AP4B1: variants seen among roughly 807,000 people sequenced by gnomAD.
AP4B1 encodes AP-4 complex subunit beta-1.
Under a neutral mutation model 76.5 loss-of-function variants are expected in AP4B1, and 49 were observed. The observed-to-expected ratio is 0.64, with a 90% CI of 0.51 to 0.81. The LOEUF is 0.81. Among genes scored for constraint, AP4B1 ranks in the 40% least tolerant of loss-of-function variants. The pLI is 0.00. For synonymous variants in AP4B1, 330 were observed against 333.3 expected (o/e 0.99, Z 0.11); for missense variants, 911 against 904.9 (o/e 1.01, Z -0.09).
chr1:113,895,389 C>G lies in AP4B1; in HGVS notation c.1896G>C (p.Glu632Asp). 1 of 1,614,186 alleles carries G rather than the reference C, an allele frequency of 6.2e-7. No individual in the cohort carries two copies. The highest frequency in any genetic ancestry group is 1.3e-5 in the African/African-American group (1 of 75,046). The change falls in exon 10 of 10, where the codon GAG becomes GAC. Residue 632 changes from glutamate (E) to aspartate (D), a missense_variant. Glu to Asp is a conservative substitution (Grantham distance 45). Coordinates refer to ENST00000369569, the MANE Select transcript of AP4B1 (RefSeq NM_001253852.3). ...PNRQLTADYF[E>D]KTWLSLKVAH... ...CAACTTTAAGGCTAAGCCAAGTTTT[C>G]TCAAAATAATCAGCAGTAAGCTGGC...
Position 113,904,792 on chromosome 1 carries a change from G to C in AP4B1, c.-75C>G, listed in dbSNP as rs945036729. ...GGCTCCTTCTCGTCCTGATGTGGGAGCCTGAGTAAAGGAAATATGAGTCAG... is the reference window on the plus strand; with the variant it reads ...GGCTCCTTCTCGTCCTGATGTGGGACCCTGAGTAAAGGAAATATGAGTCAG... On this transcript the variant is annotated 5_prime_UTR_variant, in exon 1 of 10. Transcript: ENST00000369569. 1 of 1,261,108 alleles carries C rather than the reference G, an allele frequency of 7.9e-7. No homozygotes were observed. Among genetic ancestry groups the C allele is most frequent in the African/African-American group, 1.5e-5 (1 of 68,098 alleles). 78.1% of individuals were successfully genotyped at this position (1,261,108 alleles called of 1,614,324 possible).
chr1:113,904,591 G>A lies in AP4B1; in HGVS notation c.113+14C>T. ...AAAGGGAGCAGTTAGCACGCGAAGGGAGGTAGGTGATACCTAATCACTCGC... is the reference window on the plus strand; with the variant it reads ...AAAGGGAGCAGTTAGCACGCGAAGGAAGGTAGGTGATACCTAATCACTCGC... On this transcript the variant is annotated intron_variant, in intron 1 of 9. Transcript: ENST00000369569. 1 of 1,612,314 alleles carries A rather than the reference G, an allele frequency of 6.2e-7. No homozygotes were observed. The highest frequency in any genetic ancestry group is 8.5e-7 in the Non-Finnish European group (1 of 1,178,432).
At chr1:113,901,960 C>A in intron 2 of AP4B1, 75 bp from the exon 3 acceptor site, 1 of 1,582,126 alleles carries the variant, frequency 6.3e-7, no homozygotes, top group Non-Finnish European at 8.7e-7. Context: ...GTTCACCTAA[C>A]AGATGGTTTA....
intron 1 of AP4B1, among the ~76,000 whole-genome samples, chr1:113,903,512 G>A (rs372926406): frequency 2.6e-5 from 4 of 152,216 alleles, no homozygotes; most frequent in African/African-American, 7.2e-5. Flanking sequence ...TGAGAATACC[G>A]TTAATTACAG....
At chr1:113,900,682 A>C in intron 4 of AP4B1, 3 of 457,264 alleles carry the variant, frequency 6.6e-6, no homozygotes, top group Admixed American at 4.0e-5. Context: ...GACACTATAA[A>C]TGGCTTAGTT....
chr1:113,903,004 T>C, intron 1 of AP4B1, 142 bp from the exon 2 acceptor site: 3 of 725,740 alleles, frequency 4.1e-6, no homozygotes, highest in Non-Finnish European at 7.4e-6. Flanking sequence ...TTGTCTATTA[T>C]ATCACACAGT....
At position 113,897,843 on chromosome 1, in the gene AP4B1, A is replaced by G; in HGVS notation, c.1299T>C (p.Ser433=). The G allele has an allele frequency of 6.2e-7, 1 of 1,614,072 alleles. No homozygotes were observed. Among genetic ancestry groups the G allele is most frequent in the Non-Finnish European group, 8.5e-7 (1 of 1,179,950 alleles). The part of the protein sequence containing the change: ...LPGCEENIQD[S]EGKQALIWLL... ...GTAAAGGAGAATTACAGTCTACCTCACTATCTTGAATGTTCTCTTCACAGC... is the reference window on the plus strand; with the variant it reads ...GTAAAGGAGAATTACAGTCTACCTCGCTATCTTGAATGTTCTCTTCACAGC... Residue 433 remains serine, a synonymous_variant, in exon 7 of 10, where the codon AGT becomes AGC. Coordinates refer to ENST00000369569, the MANE Select transcript of AP4B1 (RefSeq NM_001253852.3).
chr1:113,895,298 C>T lies in AP4B1; in HGVS notation c.1987G>A (p.Val663Ile). The T allele has an allele frequency of 2.5e-6, 4 of 1,614,204 alleles. No homozygotes were observed. Among genetic ancestry groups the T allele is most frequent in the Non-Finnish European group, 3.4e-6 (4 of 1,180,034 alleles). ...ATTGCGATGGTCTGGATGTTCACTA[C>T]TTGAAGAGCCATCTGGAGGGTGTCA... ...HPDTLQMALQ[V>I]VNIQTIAMSR... The change falls in exon 10 of 10, where the codon GTA becomes ATA. Residue 663 changes from valine to isoleucine, a missense_variant. Coordinates refer to ENST00000369569, the MANE Select transcript of AP4B1 (RefSeq NM_001253852.3).
In AP4B1 at chr1:113,900,106, C is replaced by T. The variant is rs146053295; in HGVS notation, c.912G>A (p.Leu304=). 986 of 1,614,188 alleles carry T rather than the reference C, an allele frequency of 6.1e-4. 6 individuals are homozygous for T. The highest frequency in any genetic ancestry group is 3.6e-3 in the South Asian group (324 of 91,082). The change falls in exon 5 of 10, where the codon TTG becomes TTA. Residue 304 remains leucine, a synonymous_variant. Transcript: ENST00000369569. ...FVALCHVRQI[L]HSLPGHFSSH... is the part of the protein sequence containing the mutation. Reference sequence around the variant, plus strand: ...TGCTAAAGTGACCTGGTAAACTATGCAAGATCTGGCGTACATGACAAAGAG... The same window carrying T: ...TGCTAAAGTGACCTGGTAAACTATGTAAGATCTGGCGTACATGACAAAGAG...
rs1158779267 is a variant in AP4B1 at position 113,904,656 on chromosome 1, T to C, written c.62A>G (p.His21Arg). 1.9e-6 allele frequency: 3 copies of C among 1,613,364 alleles called. No homozygotes were observed. In the African/African-American group the frequency reaches 4.0e-5, roughly 22 times the overall value. ...GTAGCGCAGCCTATCAGCTTGAATG[T>C]GAGGATTGCACAGAGCCTTCTTCAG... Reference protein sequence around the residue: ...KELKKALCNPHIQADRLRYRN... With the variant: ...KELKKALCNPRIQADRLRYRN... The change falls in exon 1 of 10, where the codon CAC (histidine) becomes CGC (arginine). Residue 21 changes from histidine to arginine, a missense_variant. By Grantham distance (29) the His-to-Arg change is conservative (BLOSUM62 0). Transcript: ENST00000369569.
In AP4B1 at chr1:113,900,066, A is replaced by T. The variant is rs761361688; in HGVS notation, c.952T>A (p.Phe318Ile). Residue 318 changes from phenylalanine to isoleucine, a missense_variant, in exon 5 of 10, where the codon TTT becomes ATT. Coordinates refer to ENST00000369569, the MANE Select transcript of AP4B1 (RefSeq NM_001253852.3). ...PGHFSSHYKKFFCSYSEPHYI... is the reference protein window; with the variant it reads ...PGHFSSHYKKIFCSYSEPHYI... Reference sequence around the variant, plus strand: ...TGGGGCTCCGAGTAGGAGCAAAAAAACTTTTTGTAGTGGCTGCTAAAGTGA... The same window carrying T: ...TGGGGCTCCGAGTAGGAGCAAAAAATCTTTTTGTAGTGGCTGCTAAAGTGA... 3.1e-6 allele frequency: 5 copies of T among 1,614,080 alleles called. No homozygotes were observed. The African/African-American group carries it at 5.3e-5, about 17-fold the overall frequency.
In AP4B1 at chr1:113,896,466, C is replaced by G; in HGVS notation, c.1303-1G>C. 35 of 1,614,072 alleles carry G rather than the reference C, an allele frequency of 2.2e-5. No individual in the cohort carries two copies. Among genetic ancestry groups the G allele is most frequent in the Non-Finnish European group, 3.0e-5 (35 of 1,179,918 alleles). ...GTAGCCAAATAAGTGCTTGCTTCCC[C>G]TAGAGAATAAAGGAATAAGAGCAAG... On this transcript the variant is annotated splice_acceptor_variant, in intron 7 of 9. Transcript: ENST00000369569. LOFTEE classifies it high-confidence loss of function.
rs182537012 is a variant in AP4B1, at chr1:113,898,064, G to A, written c.1199-121C>T. On this transcript the variant is annotated intron_variant, in intron 6 of 9. Coordinates refer to ENST00000369569, the MANE Select transcript of AP4B1 (RefSeq NM_001253852.3). ...CTGGATTTCTGTAAAATGGGTTTTG[G>A]AGGTGTGGTCAATGGTTATCTAAGA... The A allele has an allele frequency of 4.5e-5, 69 of 1,549,046 alleles. No homozygotes were observed. The East Asian group carries it at 1.5e-3, about 35-fold the overall frequency.
chr1:113,899,719 A>AAAAAAAC (rs1210555441), intron 5 of AP4B1, 185 bp downstream of exon 5: 1 of 960,070 alleles, frequency 1.0e-6, no homozygotes, highest in East Asian at 2.5e-5. Flanking sequence ...TCTTGACCAA[A>AAAAAAAC]AAAAAACAAA....
At chr1:113,896,523 G>GATT (rs1337791059) in intron 7 of AP4B1, 58 bp from the exon 8 acceptor site, 4 of 1,547,178 alleles carry the variant, frequency 2.6e-6, no homozygotes, top group Non-Finnish European at 3.6e-6. Flanking sequence ...AAACACAGGA[G>GATT]ATAATAGACA....
intron 3 of AP4B1, 64 bp downstream of exon 3, chr1:113,901,691 C>T (rs1414232791): frequency 5.0e-6 from 8 of 1,603,840 alleles, no homozygotes; most frequent in African/African-American, 2.7e-5. Flanking sequence ...CAAAGCCACA[C>T]AATCTTTTTT....
At position 113,899,716 on chromosome 1, in the gene AP4B1, C is replaced by CA. The variant is rs924557823; in HGVS notation, c.1114+187dup. ...AAGATACAGCAACACCAATCTTGAC[C>CA]AAAAAAAAACAAAAAACAAAAAAAA... On this transcript the variant is annotated intron_variant, in intron 5 of 9. Transcript: ENST00000369569. 2,428 of 821,894 alleles carry CA rather than the reference C, an allele frequency of 3.0e-3. 1 individual carries two copies. Among genetic ancestry groups the CA allele is most frequent in the East Asian group, 8.3e-3 (308 of 37,024 alleles). 50.9% of individuals were successfully genotyped at this position (821,894 alleles called of 1,614,324 possible). A position where few individuals can be genotyped will look rare whatever the true frequency, so the allele number is the denominator to read the frequency against.
intron 1 of AP4B1, among the ~76,000 whole-genome samples, chr1:113,904,320 A>T (rs1478342559): frequency 6.6e-6 from 1 of 152,192 alleles, no homozygotes; most frequent in East Asian, 1.9e-4. Flanking sequence ...AGGCAGTGGG[A>T]TACGTGGGTC....
chr1:113,904,936 C>T (rs1184287606), upstream of AP4B1: 8 of 534,336 alleles, frequency 1.5e-5, no homozygotes, highest in Middle Eastern at 5.0e-4. Flanking sequence ...GCTCTTCAGG[C>T]CCTACCGTCG....
Sources: allele counts gnomAD v4.1 joint callset (sites outside exome capture counted in the v4.1 genomes callset), GRCh38; gene constraint gnomAD v4.1.1; transcripts MANE v1.5; gene names NCBI Gene and HGNC (gene_info 2026-07-23, HGNC 2026-07-21).